The following ARHGAP6 variants were observed in gnomAD, a reference collection of about 807,000 sequenced individuals.
The protein encoded by ARHGAP6 is rho GTPase-activating protein 6.
ARHGAP6 carries 16 observed loss-of-function variants against 55.7 expected under a neutral mutation model. The observed-to-expected ratio is 0.29, with a 90% CI of 0.19 to 0.44. ARHGAP6 has a LOEUF of 0.44. Among genes scored for constraint, ARHGAP6 ranks in the 20% least tolerant of loss-of-function variants. ARHGAP6 has a pLI of 1.00. For missense variants in ARHGAP6, 698 were observed against 808.9 expected (o/e 0.86, Z 1.66); for synonymous variants, 382 against 360.9 (o/e 1.06, Z -0.66).
Position 11,475,842 on chromosome X carries a change from T to C in ARHGAP6, c.588+188399A>G, listed in dbSNP as rs12391328. ...GGAGAAATTTTTAAAAACACATGTCTAATGAAGGACTTGTATTTAGATTTT... is the reference window on the plus strand; with the variant it reads ...GGAGAAATTTTTAAAAACACATGTCCAATGAAGGACTTGTATTTAGATTTT... On this transcript the variant is annotated intron_variant, in intron 1 of 12. Transcript: ENST00000337414. 5.1e-3 allele frequency among the ~76,000 whole-genome samples: 551 copies of C among 108,011 alleles called. 1 individual carries two copies. Among genetic ancestry groups the C allele is most frequent in the African/African-American group, 8.3e-3 (249 of 29,995 alleles). 93.8% of individuals were successfully genotyped at this position (108,011 alleles called of 115,157 possible). A position where few individuals can be genotyped will look rare whatever the true frequency, so the allele number is the denominator to read the frequency against.
chrX:11,527,177 G>A (rs977303053), intron 1 of ARHGAP6, among the ~76,000 whole-genome samples: 1 of 110,920 alleles, frequency 9.0e-6, no homozygotes, highest in Non-Finnish European at 1.9e-5. Flanking sequence ...TCTGACTCAA[G>A]TAGCTGTTTG....
chrX:11,353,603 T>C (rs955354670), intron 1 of ARHGAP6, among the ~76,000 whole-genome samples: 12 of 103,884 alleles, frequency 1.2e-4, no homozygotes, highest in African/African-American at 3.9e-4. Context: ...TGTGTATGCA[T>C]GGTAGTATGT....
chrX:11,304,963 T>C (rs1400053892), intron 1 of ARHGAP6, among the ~76,000 whole-genome samples: 1 of 107,834 alleles, frequency 9.3e-6, no homozygotes, highest in Non-Finnish European at 1.9e-5. Context: ...ATTTTTTTTG[T>C]ATTTTAGTAG....
chrX:11,455,660 C>T (rs1427137304), intron 1 of ARHGAP6, among the ~76,000 whole-genome samples: 4 of 112,025 alleles, frequency 3.6e-5, no homozygotes, highest in Non-Finnish European at 5.6e-5. Flanking sequence ...TCTTTTCCAT[C>T]TACCCCCACT....
chrX:11,279,138 G>C (rs753098985), intron 1 of ARHGAP6, among the ~76,000 whole-genome samples: 2 of 111,853 alleles, frequency 1.8e-5, no homozygotes, highest in Non-Finnish European at 3.8e-5. Context: ...AGCTTAACAT[G>C]ATGACTTGTT....
At chrX:11,434,734 C>T (rs2049971292) in intron 1 of ARHGAP6, among the ~76,000 whole-genome samples, 2 of 111,205 alleles carry the variant, frequency 1.8e-5, no homozygotes, top group African/African-American at 3.3e-5. Context: ...GTTAAGAATT[C>T]GTTGTCAGGA....
intron 1 of ARHGAP6, among the ~76,000 whole-genome samples, chrX:11,320,087 C>T (rs1224055576): frequency 3.6e-5 from 4 of 112,161 alleles, no homozygotes; most frequent in Non-Finnish European, 7.5e-5. Flanking sequence ...CCACATTACT[C>T]ACATTGGAGA....
At chrX:11,533,326 G>A (rs1262078820) in intron 1 of ARHGAP6, among the ~76,000 whole-genome samples, 1 of 111,626 alleles carries the variant, frequency 9.0e-6, no homozygotes. Flanking sequence ...CTCCCACTAG[G>A]TGGCACTTAA....
At chrX:11,338,654 C>T (rs896962922) in intron 1 of ARHGAP6, among the ~76,000 whole-genome samples, 2 of 112,308 alleles carry the variant, frequency 1.8e-5, no homozygotes, top group African/African-American at 3.2e-5. Context: ...CCAATATCTT[C>T]TCACTTTGTC....
chrX:11,356,949 G>A (rs2048937541), intron 1 of ARHGAP6, among the ~76,000 whole-genome samples: 1 of 111,919 alleles, frequency 8.9e-6, no homozygotes, highest in Non-Finnish European at 1.9e-5. Context: ...AGCAAGGTTA[G>A]AATATTATTG....
chrX:11,622,044 T>A (rs1385176678), intron 1 of ARHGAP6, among the ~76,000 whole-genome samples: 1 of 111,846 alleles, frequency 8.9e-6, no homozygotes, highest in Admixed American at 9.5e-5. Context: ...AGAGAAACCA[T>A]CATGCAATGT....
chrX:11,401,575 T>C (rs988979968), intron 1 of ARHGAP6, among the ~76,000 whole-genome samples: 2 of 110,179 alleles, frequency 1.8e-5, no homozygotes, highest in Non-Finnish European at 3.8e-5. Flanking sequence ...TCTCCAGACA[T>C]TGCCAAATGT....
chrX:11,491,818 A>G (rs1427001195), intron 1 of ARHGAP6, among the ~76,000 whole-genome samples: 2 of 109,659 alleles, frequency 1.8e-5, no homozygotes, highest in Admixed American at 9.8e-5. Flanking sequence ...GAACTAGTTT[A>G]CAGTCCCACC....
chrX:11,224,664 G>GC (rs994208638), intron 2 of ARHGAP6, among the ~76,000 whole-genome samples: 1 of 110,440 alleles, frequency 9.1e-6, no homozygotes, highest in African/African-American at 3.3e-5. Flanking sequence ...GTTGGTGGAG[G>GC]GGGGGCGGTT....
chrX:11,404,808 C>T (rs2049591578), intron 1 of ARHGAP6, among the ~76,000 whole-genome samples: 5 of 112,164 alleles, frequency 4.5e-5, no homozygotes. Flanking sequence ...TCTAGATAAG[C>T]ACACATCCTG....
intron 2 of ARHGAP6, among the ~76,000 whole-genome samples, chrX:11,230,490 C>T (rs2047113112): frequency 9.0e-6 from 1 of 111,301 alleles, no homozygotes; most frequent in African/African-American, 3.3e-5. Context: ...GCCACCGCGC[C>T]CGGCCAAAAG....
At chrX:11,592,215 C>T (rs1463694900) in intron 1 of ARHGAP6, among the ~76,000 whole-genome samples, 1 of 112,019 alleles carries the variant, frequency 8.9e-6, no homozygotes, top group Non-Finnish European at 1.9e-5. Flanking sequence ...AAGTCATCTG[C>T]TCAGGAAGCT....
chrX:11,452,337 G>A (rs755022272), intron 1 of ARHGAP6, among the ~76,000 whole-genome samples: 34 of 110,834 alleles, frequency 3.1e-4, no homozygotes, highest in African/African-American at 1.1e-3. Context: ...TAGTAGAGAC[G>A]GGGTTTCACC....
chrX:11,188,974 T>C lies in ARHGAP6; in HGVS notation c.831A>G (p.Pro277=). The stretch of plus-strand genomic sequence containing the variant: ...GGGATAAGGGCATTCCAAATGCCTG[T>C]GGGATGAATTCTGGAATCAAAAAAC... The part of the protein sequence containing the change: ...KEKNKDKEFI[P]QAFGMPLSQV... Residue 277 remains proline (P), a synonymous_variant, in exon 4 of 13, where the codon CCA becomes CCG. Coordinates refer to ENST00000337414, the MANE Select transcript of ARHGAP6 (RefSeq NM_013427.3). The C allele has an allele frequency of 8.3e-7, 1 of 1,208,850 alleles. No individual in the cohort carries two copies.
Sources: allele counts gnomAD v4.1 joint callset (sites outside exome capture counted in the v4.1 genomes callset), GRCh38; gene constraint gnomAD v4.1.1; transcripts MANE v1.5; gene names NCBI Gene and HGNC (gene_info 2026-07-23, HGNC 2026-07-21).